The following CPAMD8 variants were observed in gnomAD, a reference collection of about 807,000 sequenced individuals.
The protein encoded by CPAMD8 is C3 and PZP like alpha-2-macroglobulin domain containing 8.
Under a neutral mutation model 224.7 loss-of-function variants are expected in CPAMD8, and 146 were observed. That is an observed-to-expected ratio of 0.65 (90% CI 0.57 to 0.75). CPAMD8 has a LOEUF of 0.75. CPAMD8 is among the 30% of genes least tolerant of loss of function. The probability of loss-of-function intolerance (pLI) is 0.00; values close to 1 mark genes in which losing one functional copy is unlikely to be tolerated. For synonymous variants in CPAMD8, 966 were observed against 1,044.6 expected, an observed-to-expected ratio of 0.92 and a Z score of 1.45; for missense variants, 2,301 against 2,537.5, an observed-to-expected ratio of 0.91 and a Z score of 2.00.
At chr19:16,973,289 T>C (rs1320145787) in intron 17 of CPAMD8, among the ~76,000 whole-genome samples, 2 of 152,240 alleles carry the variant, frequency 1.3e-5, no homozygotes, top group Non-Finnish European at 2.9e-5. Context: ...TCTGCATGTT[T>C]GGAAATTTTC....
In CPAMD8 at chr19:16,975,219, AG is replaced by A; in HGVS notation, c.1947del (p.Phe650LeufsTer15). 1 of 1,609,892 alleles carries A rather than the reference AG, an allele frequency of 6.2e-7. No homozygotes were observed. Among genetic ancestry groups the A allele is most frequent in the Non-Finnish European group, 8.5e-7 (1 of 1,178,026 alleles). The stretch of plus-strand genomic sequence containing the variant: ...GGACCATCCTCCCTGGACACGCCAA[AG>A]GAATCAGAAACATCATAATCTTCCA... ...QELEDYDVSD[S>X]FGVSREDGPF... On this transcript the variant is annotated frameshift_variant, in exon 17 of 42. Transcript: ENST00000443236. LOFTEE classifies it high-confidence loss of function.
chr19:16,947,008 G>A (rs1460261674), intron 21 of CPAMD8, 66 bp downstream of exon 21: 3 of 1,503,110 alleles, frequency 2.0e-6, no homozygotes, highest in Non-Finnish European at 2.7e-6. Flanking sequence ...CCCCAACTCG[G>A]GTCAATGCCA....
chr19:17,001,605 G>T (rs117316623), intron 9 of CPAMD8, among the ~76,000 whole-genome samples: 2,691 of 152,116 alleles, frequency 0.018, 27 homozygotes, highest in Non-Finnish European at 0.03. Context: ...TGCTCATAGG[G>T]GTGAGGACAC....
chr19:16,924,288 G>T (rs1303288271), intron 26 of CPAMD8, among the ~76,000 whole-genome samples: 2 of 152,058 alleles, frequency 1.3e-5, no homozygotes, highest in Non-Finnish European at 2.9e-5. Flanking sequence ...TTGATTTGGG[G>T]TTTGTTGAGT....
At chr19:16,917,013 G>A (rs2052987594) in intron 27 of CPAMD8, among the ~76,000 whole-genome samples, 1 of 152,154 alleles carries the variant, frequency 6.6e-6, no homozygotes, top group African/African-American at 2.4e-5. Context: ...TGGGAATTGT[G>A]GAATTCCCAT....
chr19:16,896,699 C>G (rs780403285), intron 39 of CPAMD8, 34 bp from the exon 40 acceptor site: 1 of 1,343,482 alleles, frequency 7.4e-7, no homozygotes, highest in Non-Finnish European at 9.6e-7. Flanking sequence ...AGACCCCCCA[C>G]CCTGAACCTT....
At position 16,910,465 on chromosome 19, in the gene CPAMD8, C is replaced by T. The variant is rs560832161; in HGVS notation, c.3862-3348G>A. On this transcript the variant is annotated intron_variant, in intron 29 of 41. Transcript: ENST00000443236. The stretch of plus-strand genomic sequence containing the variant: ...GATTACAGGCAGGAGCCACTGGGCC[C>T]GCCTTTTTTTTTTTTTTTTAAATTA... 14 of 89,352 alleles carry T rather than the reference C, an allele frequency of 1.6e-4. No individual in the cohort carries two copies. In the East Asian group the frequency reaches 3.0e-3, roughly 19 times the overall value. The allele number at this position is 89,352 out of a possible 1,614,324, so 5.5% of individuals were successfully genotyped here.
intron 7 of CPAMD8, among the ~76,000 whole-genome samples, chr19:17,004,825 C>T (rs1300508502): frequency 6.6e-6 from 1 of 152,112 alleles, no homozygotes; most frequent in African/African-American, 2.4e-5. Flanking sequence ...GCACCCCTGG[C>T]CTCCACCCAA....
chr19:16,905,086 C>A (rs548535452), intron 30 of CPAMD8, among the ~76,000 whole-genome samples: 2 of 151,528 alleles, frequency 1.3e-5, no homozygotes, highest in South Asian at 2.1e-4. Context: ...ACTAAAAATA[C>A]AAAAATTAGC....
chr19:16,982,737 G>A (rs985741771), intron 13 of CPAMD8, among the ~76,000 whole-genome samples: 5 of 152,106 alleles, frequency 3.3e-5, no homozygotes, highest in East Asian at 1.9e-4. Context: ...ATCTAGGGGG[G>A]CTGAGGCAGG....
At chr19:16,976,656 T>C (rs372532718) in intron 15 of CPAMD8, among the ~76,000 whole-genome samples, 16 of 151,994 alleles carry the variant, frequency 1.1e-4, no homozygotes, top group East Asian at 5.8e-4. Context: ...CAGCTGGTCA[T>C]TGTGCAGCGG....
intron 8 of CPAMD8, chr19:17,002,585 T>C: frequency 2.4e-6 from 1 of 419,660 alleles, no homozygotes; most frequent in Non-Finnish European, 4.4e-6. Context: ...CCTGTCACTT[T>C]TAGACCACGT....
intron 25 of CPAMD8, among the ~76,000 whole-genome samples, chr19:16,926,798 CCT>C (rs1356553658): frequency 6.6e-6 from 1 of 152,160 alleles, no homozygotes; most frequent in East Asian, 1.9e-4. Flanking sequence ...TCCATTCCTG[CCT>C]CTCTGCTTCT....
intron 18 of CPAMD8, among the ~76,000 whole-genome samples, chr19:16,965,231 G>A (rs1300550732): frequency 6.6e-6 from 1 of 151,848 alleles, no homozygotes; most frequent in East Asian, 1.9e-4. Flanking sequence ...CTGCACTCCA[G>A]CCTGGGTGAC....
At chr19:16,983,576 G>A (rs1348881812) in intron 13 of CPAMD8, among the ~76,000 whole-genome samples, 1 of 152,028 alleles carries the variant, frequency 6.6e-6, no homozygotes. Context: ...AAAGAAGAAT[G>A]TCAAGGTCGT....
intron 1 of CPAMD8, among the ~76,000 whole-genome samples, chr19:17,022,594 G>A (rs1002707018): frequency 2.0e-5 from 3 of 151,794 alleles, no homozygotes; most frequent in Admixed American, 2.0e-4. Context: ...CACCTCCCGG[G>A]TTCAAGGGAT....
intron 26 of CPAMD8, 125 bp from the exon 27 acceptor site, chr19:16,922,111 C>G: frequency 1.6e-6 from 1 of 628,266 alleles, no homozygotes; most frequent in Non-Finnish European, 2.8e-6. Context: ...TGTGGGGTCC[C>G]TGGAATTGCC....
Position 16,900,441 on chromosome 19 carries a change from CA to C in CPAMD8, c.4773+768del, listed in dbSNP as rs536517794. The stretch of plus-strand genomic sequence containing the variant: ...GGAGAAACTCCATCTCTACTCAATA[CA>C]AAAAAATTAGCTGGGCGTGGTGGTG... On this transcript the variant is annotated intron_variant, in intron 36 of 41. Transcript: ENST00000443236. Among the ~76,000 whole-genome samples the C allele has an allele frequency of 4.6e-3, 697 of 151,628 alleles. 6 individuals carry two copies. Among genetic ancestry groups the C allele is most frequent in the African/African-American group, 0.015 (631 of 41,304 alleles).
chr19:16,904,540 T>C lies in CPAMD8; in HGVS notation c.4040A>G (p.His1347Arg). 6.2e-7 allele frequency: 1 copy of C among 1,613,068 alleles called. No homozygotes were observed. Among genetic ancestry groups the C allele is most frequent in the Non-Finnish European group, 8.5e-7 (1 of 1,179,064 alleles). ...GTCCCAGGAATTTGACAGGCTCCAGTGGGTGACCCCATCTGCAAGGAAAGG... is the reference window on the plus strand; with the variant it reads ...GTCCCAGGAATTTGACAGGCTCCAGCGGGTGACCCCATCTGCAAGGAAAGG... ...SLAIMRDGVT[H>R]WSLSNSWDVD... Residue 1347 changes from histidine (H) to arginine (R), a missense_variant, in exon 31 of 42, where the codon CAC becomes CGC. Physicochemically the swap from His to Arg is conservative, Grantham distance 29. This residue lies in a region of CPAMD8 where 1,709 missense variants were observed against 1,753.2 expected (regional missense o/e 0.97). Transcript: ENST00000443236.
Sources: gnomAD v4.1 joint callset for allele counts (sites outside exome capture counted in the v4.1 genomes callset) on GRCh38, gnomAD v4.1.1 for gene constraint, gnomAD v4.1.1 regional missense constraint, MANE v1.5 for transcripts, NCBI Gene and HGNC (gene_info 2026-07-23, HGNC 2026-07-21) for gene names.